Variants in XG observed in about 807,000 individuals in gnomAD.
XG encodes glycoprotein Xg.
XG carries 24 observed loss-of-function variants against 25.7 expected under a neutral mutation model. That is an observed-to-expected ratio of 0.93 (90% CI 0.68 to 1.31). The LOEUF (loss-of-function observed/expected upper bound fraction) is 1.31. Ranked by LOEUF, XG falls within the 40% of genes most tolerant of loss-of-function variation. The pLI is 0.00. For missense variants in XG, 181 were observed against 187.6 expected (o/e 0.96, Z 0.21); for synonymous variants, 77 against 69.2 (o/e 1.11, Z -0.56).
intron 1 of XG, among the ~76,000 whole-genome samples, chrX:2,761,281 C>A (rs911122439): frequency 2.6e-5 from 4 of 151,932 alleles, no homozygotes; most frequent in African/African-American, 9.7e-5. Context: ...AGAGGGATGA[C>A]CCTGTAAAGA....
intron 1 of XG, among the ~76,000 whole-genome samples, chrX:2,764,412 G>A (rs2050630970): frequency 1.3e-5 from 2 of 152,148 alleles, no homozygotes; most frequent in Non-Finnish European, 2.9e-5. Flanking sequence ...CTGTCCTGGG[G>A]TCTGATTCCA....
intron 10 of XG, among the ~76,000 whole-genome samples, chrX:2,813,304 G>A (rs1337479439): frequency 9.0e-6 from 1 of 110,977 alleles, no homozygotes; most frequent in East Asian, 2.8e-4. Flanking sequence ...TCAAGGGTGA[G>A]CAGTGACATT....
chrX:2,778,125 G>C (rs1357446764), intron 3 of XG, among the ~76,000 whole-genome samples: 2 of 152,142 alleles, frequency 1.3e-5, no homozygotes, highest in Admixed American at 6.6e-5. Context: ...GAATGATAAT[G>C]GAATCTTGAC....
chrX:2,796,062 TAC>T (rs1025944366), intron 6 of XG, among the ~76,000 whole-genome samples: 3 of 108,233 alleles, frequency 2.8e-5, no homozygotes, highest in Non-Finnish European at 3.8e-5. Context: ...TATAAATATA[TAC>T]ATTTATACAT....
intron 7 of XG, 28 bp downstream of exon 7, chrX:2,797,388 TGGGTGGA>T: frequency 8.8e-7 from 1 of 1,131,345 alleles, no homozygotes; most frequent in Non-Finnish European, 1.2e-6. Context: ...CATGCGATGG[TGGGTGGA>T]GGGTGGGAGG....
intron 1 of XG, among the ~76,000 whole-genome samples, chrX:2,757,136 G>A (rs943595612): frequency 4.6e-5 from 7 of 152,014 alleles, no homozygotes; most frequent in South Asian, 2.1e-4. Flanking sequence ...GTTGTCCTGC[G>A]GCTAATCTCT....
chrX:2,793,945 C>T (rs1055493492), intron 5 of XG, among the ~76,000 whole-genome samples: 4 of 110,398 alleles, frequency 3.6e-5, no homozygotes, highest in African/African-American at 6.6e-5. Context: ...AGTCTCCTTC[C>T]GGGCTTGCTT....
At chrX:2,802,024 G>A (rs1407417799) in intron 7 of XG, among the ~76,000 whole-genome samples, 1 of 111,495 alleles carries the variant, frequency 9.0e-6, no homozygotes, top group African/African-American at 3.3e-5. Context: ...AACTTTACAG[G>A]CTGCTCTTTG....
At chrX:2,770,494 G>A in intron 1 of XG, 56 bp from the exon 2 acceptor site, 7 of 1,606,332 alleles carry the variant, frequency 4.4e-6, no homozygotes, top group Non-Finnish European at 6.0e-6. Flanking sequence ...TGAGGAACAA[G>A]GGGGATTCTG....
At chrX:2,775,969 A>G (rs1332775607) in intron 3 of XG, among the ~76,000 whole-genome samples, 2 of 9,578 alleles carry the variant, frequency 2.1e-4, no homozygotes, top group Non-Finnish European at 5.3e-4. Flanking sequence ...AAAAAAAAAA[A>G]AAAGAAAAGA....
At chrX:2,808,040 T>A (rs1253856830) in intron 8 of XG, 145 bp from the exon 9 acceptor site, 1 of 593,901 alleles carries the variant, frequency 1.7e-6, no homozygotes, top group East Asian at 3.6e-5. Flanking sequence ...TGCTTGGCTG[T>A]CCCCCTCCCC....
chrX:2,810,256 A>G (rs892255972), intron 9 of XG, among the ~76,000 whole-genome samples: 5 of 111,976 alleles, frequency 4.5e-5, no homozygotes, highest in Non-Finnish European at 9.4e-5. Flanking sequence ...GCTATTTCAA[A>G]TGGAAACGGT....
chrX:2,793,935 A>C (rs2086859856), intron 5 of XG, among the ~76,000 whole-genome samples: 1 of 110,421 alleles, frequency 9.1e-6, no homozygotes, highest in South Asian at 3.9e-4. Context: ...AAAAGCCTGG[A>C]GTCTCCTTCC....
intron 10 of XG, 72 bp downstream of exon 10, chrX:2,811,524 T>A: frequency 1.3e-6 from 1 of 769,129 alleles, no homozygotes; most frequent in Non-Finnish European, 1.9e-6. Flanking sequence ...CTTTCAGATG[T>A]CTGTCACTAG....
At chrX:2,797,032 G>C (rs1174999224) in intron 6 of XG, among the ~76,000 whole-genome samples, 15 of 111,881 alleles carry the variant, frequency 1.3e-4, no homozygotes, top group African/African-American at 4.9e-4. Context: ...GCGCCTGCGT[G>C]AATTTGGAGT....
At chrX:2,807,471 T>C (rs769854304) in intron 8 of XG, among the ~76,000 whole-genome samples, 56 of 113,090 alleles carry the variant, frequency 5.0e-4, no homozygotes, top group African/African-American at 1.8e-3. Flanking sequence ...CATATTTGTG[T>C]GTACATGCAT....
chrX:2,754,819 T>C lies in XG; in HGVS notation c.61+2484T>C, dbSNP rs2050400663. 2.0e-5 allele frequency among the ~76,000 whole-genome samples: 3 copies of C among 152,200 alleles called. No individual in the cohort carries two copies. In the South Asian group the frequency reaches 6.2e-4, roughly 32 times the overall value. The stretch of plus-strand genomic sequence containing the variant: ...GCTGATTAGATGGTGCCCACCCAAA[T>C]TGAGGGTGGGTCCGCCCCTTCCAGT... On this transcript the variant is annotated intron_variant, in intron 1 of 10. Transcript: ENST00000644266.
intron 7 of XG, among the ~76,000 whole-genome samples, chrX:2,801,857 C>A (rs757948771): frequency 9.1e-6 from 1 of 110,440 alleles, no homozygotes; most frequent in Non-Finnish European, 1.9e-5. Context: ...TACAGGCGCC[C>A]GCCACCACGC....
At chrX:2,801,772 C>T (rs188747329) in intron 7 of XG, among the ~76,000 whole-genome samples, 2 of 110,039 alleles carry the variant, frequency 1.8e-5, no homozygotes, top group Non-Finnish European at 3.8e-5. Flanking sequence ...GCAGTGGCGT[C>T]ATCTCGGCTC....
Sources: allele counts gnomAD v4.1 joint callset (sites outside exome capture counted in the v4.1 genomes callset), GRCh38; gene constraint gnomAD v4.1.1; transcripts MANE v1.5; gene names NCBI Gene and HGNC (gene_info 2026-07-23, HGNC 2026-07-21).